Variants in FMN1 observed in about 807,000 individuals in gnomAD.
FMN1 encodes formin 1.
Under a neutral mutation model 132.4 loss-of-function variants are expected in FMN1, and 110 were observed. The observed-to-expected ratio is 0.83, with a 90% CI of 0.71 to 0.97. The LOEUF (loss-of-function observed/expected upper bound fraction) is 0.97. Ranked by LOEUF, FMN1 falls within the 50% of genes least tolerant of loss-of-function variation. FMN1 has a pLI of 0.00. For missense variants in FMN1, 1,792 were observed against 1,705.3 expected, an observed-to-expected ratio of 1.05 and a Z score of -0.90; for synonymous variants, 722 against 651.7, an observed-to-expected ratio of 1.11 and a Z score of -1.64.
At chr15:32,901,593 A>G (rs2060297700) in intron 13 of FMN1, among the ~76,000 whole-genome samples, 1 of 152,238 alleles carries the variant, frequency 6.6e-6, no homozygotes, top group African/African-American at 2.4e-5. Context: ...AAATTGTAAA[A>G]TAAGAAACAG....
chr15:33,002,563 A>G (rs2034178853), intron 7 of FMN1, among the ~76,000 whole-genome samples: 1 of 152,170 alleles, frequency 6.6e-6, no homozygotes, highest in African/African-American at 2.4e-5. Context: ...GGGGTAATTA[A>G]TCAGGCAGGT....
At chr15:32,778,983 A>C (rs8031239) in intron 19 of FMN1, among the ~76,000 whole-genome samples, 6,829 of 152,266 alleles carry the variant, frequency 0.045, 222 homozygotes, top group East Asian at 0.17. Flanking sequence ...CTGAGCCATA[A>C]AAAGGAATGA....
At chr15:32,789,476 A>G (rs1160658101) in intron 19 of FMN1, among the ~76,000 whole-genome samples, 1 of 152,232 alleles carries the variant, frequency 6.6e-6, no homozygotes, top group Non-Finnish European at 1.5e-5. Flanking sequence ...CACACTGCAT[A>G]ATGACATTTC....
At chr15:33,166,748 C>T (rs773820891) in intron 3 of FMN1, among the ~76,000 whole-genome samples, 15 of 152,272 alleles carry the variant, frequency 9.9e-5, no homozygotes, top group Middle Eastern at 3.4e-3. Context: ...CGTTATTTCA[C>T]GAAATCCATC....
chr15:33,148,788 C>G (rs1228004894), intron 4 of FMN1, among the ~76,000 whole-genome samples: 1 of 152,194 alleles, frequency 6.6e-6, no homozygotes, highest in Non-Finnish European at 1.5e-5. Flanking sequence ...GGATTATGCT[C>G]TATCCTCATC....
chr15:33,065,735 C>G (rs1306577033), intron 5 of FMN1, among the ~76,000 whole-genome samples: 2 of 152,142 alleles, frequency 1.3e-5, no homozygotes, highest in African/African-American at 4.8e-5. Flanking sequence ...TAGTCATACA[C>G]TGAATTGATA....
intron 5 of FMN1, among the ~76,000 whole-genome samples, chr15:33,088,217 A>T (rs954625617): frequency 6.6e-6 from 1 of 152,170 alleles, no homozygotes; most frequent in Non-Finnish European, 1.5e-5. Context: ...AATTAAAAAA[A>T]TTTAAAAAAT....
chr15:32,957,154 C>G (rs910440921), intron 9 of FMN1, among the ~76,000 whole-genome samples: 1 of 151,984 alleles, frequency 6.6e-6, no homozygotes, highest in East Asian at 1.9e-4. Context: ...ACATATCTTA[C>G]AGAAGAGGAA....
chr15:33,049,471 GT>G (rs1226735891), intron 6 of FMN1, among the ~76,000 whole-genome samples: 1 of 152,204 alleles, frequency 6.6e-6, no homozygotes, highest in Non-Finnish European at 1.5e-5. Flanking sequence ...TCACAGTTCT[GT>G]TTCCAGGGGG....
intron 17 of FMN1, among the ~76,000 whole-genome samples, chr15:32,806,138 T>A (rs1236178780): frequency 6.6e-6 from 1 of 152,232 alleles, no homozygotes; most frequent in East Asian, 1.9e-4. Flanking sequence ...TTATGTAACA[T>A]AAGCCTTCAG....
intron 16 of FMN1, among the ~76,000 whole-genome samples, chr15:32,869,363 A>G (rs963363533): frequency 6.6e-6 from 1 of 152,176 alleles, no homozygotes; most frequent in African/African-American, 2.4e-5. Flanking sequence ...AGGGGCTTGC[A>G]ATTTTACTTA....
intron 3 of FMN1, among the ~76,000 whole-genome samples, chr15:33,176,623 A>G (rs1965525085): frequency 6.6e-6 from 1 of 151,752 alleles, no homozygotes; most frequent in African/African-American, 2.4e-5. Context: ...CAGCCTCTTT[A>G]TATTTCCTTT....
chr15:32,841,624 T>A (rs146062307), intron 17 of FMN1, among the ~76,000 whole-genome samples: 7 of 152,306 alleles, frequency 4.6e-5, no homozygotes, highest in East Asian at 1.9e-4. Context: ...ATGGTTCTTG[T>A]GTGTTTCAGT....
In FMN1 at chr15:32,892,606, T is replaced by C. The variant is rs148058339; in HGVS notation, c.3715-4314A>G. On this transcript the variant is annotated intron_variant, in intron 15 of 20. Coordinates refer to ENST00000616417, the MANE Select transcript of FMN1 (RefSeq NM_001277313.2). ...TTAGGGAGGCTTCCCTCTTTCTCTA[T>C]CTTGTGGAATAGTGTCAAAAGGATT... Among the ~76,000 whole-genome samples, 1,422 of 152,324 alleles carry C rather than the reference T, an allele frequency of 9.3e-3. 20 individuals carry two copies. Among genetic ancestry groups the C allele is most frequent in the African/African-American group, 0.033 (1,354 of 41,556 alleles).
intron 9 of FMN1, among the ~76,000 whole-genome samples, chr15:32,943,632 G>A (rs2061443973): frequency 6.6e-6 from 1 of 152,136 alleles, no homozygotes; most frequent in Admixed American, 6.5e-5. Flanking sequence ...TGCAGAAATT[G>A]TTTCACTTAT....
chr15:33,035,365 T>A (rs928824597), intron 6 of FMN1, among the ~76,000 whole-genome samples: 1 of 152,204 alleles, frequency 6.6e-6, no homozygotes, highest in East Asian at 1.9e-4. Flanking sequence ...ATGATTTTTT[T>A]CCTATCTACA....
At chr15:33,034,359 GA>G (rs1467230980) in intron 6 of FMN1, among the ~76,000 whole-genome samples, 4 of 152,068 alleles carry the variant, frequency 2.6e-5, no homozygotes, top group Non-Finnish European at 5.9e-5. Flanking sequence ...AAGACTGCTT[GA>G]GCCTAGGAGT....
intron 6 of FMN1, among the ~76,000 whole-genome samples, chr15:33,028,532 TAAAA>T (rs547856895): frequency 3.1e-5 from 4 of 130,998 alleles, no homozygotes; most frequent in African/African-American, 1.2e-4. Flanking sequence ...AAAATAAAAA[TAAAA>T]ATAAATAAAT....
At chr15:33,006,933 G>A (rs1412293101) in intron 7 of FMN1, among the ~76,000 whole-genome samples, 1 of 152,108 alleles carries the variant, frequency 6.6e-6, no homozygotes, top group Non-Finnish European at 1.5e-5. Context: ...GTTGATGAAA[G>A]GAGACAAATT....
Sources: allele counts gnomAD v4.1 joint callset (sites outside exome capture counted in the v4.1 genomes callset), GRCh38; gene constraint gnomAD v4.1.1; transcripts MANE v1.5; gene names NCBI Gene and HGNC (gene_info 2026-07-23, HGNC 2026-07-21).